The following MAP7D2 variants were observed in gnomAD, a reference collection of about 807,000 sequenced individuals.
MAP7D2 encodes MAP7 domain containing 2, also known as MAP7 domain-containing protein 2.
A neutral mutation model predicts 63.5 loss-of-function variants in MAP7D2; 33 were observed. The ratio of observed to expected loss-of-function variants is 0.52; its 90% CI spans 0.39 to 0.70. The LOEUF is 0.70. MAP7D2 is among the 30% of genes least tolerant of loss of function. The pLI, the probability that MAP7D2 is intolerant of heterozygous loss-of-function variation, is 0.00. For synonymous variants in MAP7D2, 224 were observed against 223.7 expected (o/e 1.00, Z -0.01); for missense variants, 626 against 604.0 (o/e 1.04, Z -0.38).
intron 1 of MAP7D2, among the ~76,000 whole-genome samples, chrX:20,096,387 A>G (rs1308705273): frequency 7.3e-5 from 7 of 95,936 alleles, no homozygotes; most frequent in African/African-American, 2.7e-4. Flanking sequence ...CTATGATCAC[A>G]TCACTGCACT....
In MAP7D2 at chrX:20,056,727, T is replaced by C; in HGVS notation, c.437A>G (p.Lys146Arg). ...ERTQQLELKK[K>R]YSWGAPLAIG... ...GGCCAGTGGTGCTCCCCACGAATAC[T>C]TCTTTTTCAGCTCCAGCTGCTGTGT... The change falls in exon 4 of 17, where the codon AAG becomes AGG. Residue 146 changes from lysine to arginine, a missense_variant. Transcript: ENST00000379643. The C allele has an allele frequency of 3.3e-6, 4 of 1,211,677 alleles. No individual in the cohort carries two copies. The highest frequency in any genetic ancestry group is 4.5e-6 in the Non-Finnish European group (4 of 895,445).
chrX:20,020,492 C>CCAACAG (rs1248233064), intron 10 of MAP7D2, among the ~76,000 whole-genome samples: 2 of 111,947 alleles, frequency 1.8e-5, no homozygotes, highest in East Asian at 5.6e-4. Flanking sequence ...AATCCCAAGA[C>CCAACAG]CAACAGCCTT....
chrX:20,010,753 T>C (rs1331519693), intron 16 of MAP7D2, 24 bp downstream of exon 16: 1 of 1,154,255 alleles, frequency 8.7e-7, no homozygotes, highest in East Asian at 3.0e-5. Flanking sequence ...GTTATGAAGT[T>C]AGAATATAAT....
chrX:20,115,206 G>GT (rs1211055929), intron 1 of MAP7D2, among the ~76,000 whole-genome samples: 1 of 91,252 alleles, frequency 1.1e-5, no homozygotes, highest in East Asian at 3.4e-4. Flanking sequence ...CCCCGCAAAA[G>GT]TACCTCCTCC....
chrX:20,012,531 G>C lies in MAP7D2; in HGVS notation c.1890C>G (p.Ile630Met). 2.6e-6 allele frequency: 3 copies of C among 1,167,649 alleles called. No individual in the cohort carries two copies. Among genetic ancestry groups the C allele is most frequent in the Non-Finnish European group, 3.4e-6 (3 of 872,387 alleles). ...TKLVVPNKME[I>M]NGLNTCQEVN... ...CTTCCTGGCAGGTGTTCAATCCATT[G>C]ATTTCTGATCGAGAACACAAAGTCC... The change falls in exon 15 of 17, where the codon ATC becomes ATG. Residue 630 changes from isoleucine to methionine, a missense_variant. Physicochemically the swap from Ile to Met is conservative, Grantham distance 10. Transcript: ENST00000379643.
intron 6 of MAP7D2, among the ~76,000 whole-genome samples, chrX:20,045,379 T>G (rs1028161689): frequency 1.8e-5 from 2 of 108,736 alleles, no homozygotes; most frequent in African/African-American, 6.7e-5. Flanking sequence ...ATACAAAAAT[T>G]AGCTTGGCAT....
At chrX:20,097,530 T>C (rs2066304005) in intron 1 of MAP7D2, among the ~76,000 whole-genome samples, 1 of 112,177 alleles carries the variant, frequency 8.9e-6, no homozygotes, top group African/African-American at 3.2e-5. Context: ...TAAGAGACTT[T>C]GACATACTTA....
At chrX:20,059,823 C>T (rs998205000) in intron 3 of MAP7D2, among the ~76,000 whole-genome samples, 3 of 111,293 alleles carry the variant, frequency 2.7e-5, no homozygotes, top group Non-Finnish European at 5.7e-5. Context: ...GAGCCTCACA[C>T]TTGATGCCTT....
intron 3 of MAP7D2, among the ~76,000 whole-genome samples, chrX:20,058,152 G>A (rs969860008): frequency 4.4e-5 from 5 of 112,404 alleles, no homozygotes; most frequent in African/African-American, 1.6e-4. Context: ...TGCATGCCTT[G>A]GCAGAGTCCA....
rs769073967 is a variant in MAP7D2, at chrX:20,074,417, G to A, written c.131-9612C>T. On this transcript the variant is annotated intron_variant, in intron 1 of 16. Transcript: ENST00000379643. ...AATTGAACTTTTCAATCTTGCAAGT[G>A]GAAACTGAAAATCAACTGACAGAAT... Among the ~76,000 whole-genome samples the A allele has an allele frequency of 4.5e-5, 5 of 111,961 alleles. No individual in the cohort carries two copies. The East Asian group carries it at 1.4e-3, about 31-fold the overall frequency.
intron 10 of MAP7D2, among the ~76,000 whole-genome samples, chrX:20,020,894 G>T: frequency 8.9e-6 from 1 of 111,861 alleles, no homozygotes. Flanking sequence ...TCTCTACGTT[G>T]CCCAGGCTCA....
Position 20,010,796 on chromosome X carries a change from G to A in MAP7D2, c.*7C>T. On this transcript the variant is annotated 3_prime_UTR_variant, in exon 16 of 17. Coordinates refer to ENST00000379643, the MANE Select transcript of MAP7D2 (RefSeq NM_001168465.2). ...CTGTACCTTTTATTAAAGGGATGCT[G>A]TATTTGTCAACAGAAGGTGTTGAGA... 2 of 1,204,238 alleles carry A rather than the reference G, an allele frequency of 1.7e-6. No individual in the cohort carries two copies. The highest frequency in any genetic ancestry group is 2.2e-6 in the Non-Finnish European group (2 of 891,361).
chrX:20,050,482 C>T (rs1326107535), intron 6 of MAP7D2, among the ~76,000 whole-genome samples: 5 of 111,932 alleles, frequency 4.5e-5, no homozygotes, highest in African/African-American at 1.6e-4. Context: ...ATGGTGAGAG[C>T]TAGTGAGTGG....
chrX:20,072,693 C>T (rs2065535680), intron 1 of MAP7D2, among the ~76,000 whole-genome samples: 1 of 111,910 alleles, frequency 8.9e-6, no homozygotes, highest in African/African-American at 3.3e-5. Context: ...AAAACACTCT[C>T]ACAGACACAC....
intron 8 of MAP7D2, among the ~76,000 whole-genome samples, chrX:20,027,757 G>GAGA (rs2073912141): frequency 2.6e-5 from 2 of 76,252 alleles, no homozygotes; most frequent in Non-Finnish European, 5.1e-5. Flanking sequence ...GAAGGCGGGG[G>GAGA]GAGAGAGAGA....
intron 11 of MAP7D2, 147 bp downstream of exon 11, chrX:20,015,947 T>A: frequency 1.8e-6 from 1 of 558,433 alleles, no homozygotes; most frequent in Admixed American, 3.2e-5. Flanking sequence ...TCACTGCAAC[T>A]GCCCCAACTT....
At chrX:20,010,291 G>C in intron 16 of MAP7D2, among the ~76,000 whole-genome samples, 1 of 112,058 alleles carries the variant, frequency 8.9e-6, no homozygotes, top group East Asian at 2.8e-4. Flanking sequence ...TCTCCCTCAG[G>C]TATGATCCAA....
At chrX:20,017,124 T>C (rs757887875) in intron 10 of MAP7D2, 1 of 113,722 alleles carries the variant, frequency 8.8e-6, no homozygotes, top group East Asian at 2.8e-4. Context: ...CAATGTGATG[T>C]ATGGGCATGA....
chrX:20,050,952 G>T lies in MAP7D2; in HGVS notation c.596-6C>A, dbSNP rs1603374953. On this transcript the variant is annotated splice_polypyrimidine_tract_variant and splice_region_variant and intron_variant, in intron 5 of 16. Transcript: ENST00000379643. The stretch of plus-strand genomic sequence containing the variant: ...ACTAAGGTGCATGTGATGAGCTGAG[G>T]GATGGAATCAAATGAAAATTTTAAA... The T allele has an allele frequency of 8.9e-7, 1 of 1,127,472 alleles. No homozygotes were observed. The highest frequency in any genetic ancestry group is 1.2e-6 in the Non-Finnish European group (1 of 857,034). The allele number at this position is 1,127,472 out of a possible 1,213,427, so 92.9% of individuals were successfully genotyped here.
Sources: gnomAD v4.1 joint callset for allele counts (sites outside exome capture counted in the v4.1 genomes callset) on GRCh38, gnomAD v4.1.1 for gene constraint, MANE v1.5 for transcripts, NCBI Gene and HGNC (gene_info 2026-07-23, HGNC 2026-07-21) for gene names.